Variants in PLBD1 observed in about 807,000 individuals in gnomAD.
PLBD1 encodes lysosomal leucine aminopeptidase.
A neutral mutation model predicts 63.0 loss-of-function variants in PLBD1; 60 were observed. That is an observed-to-expected ratio of 0.95 (90% CI 0.77 to 1.18). The LOEUF (loss-of-function observed/expected upper bound fraction) is 1.18. Among genes scored for constraint, PLBD1 ranks in the 50% most tolerant of loss-of-function variants. The pLI is 0.00. For missense variants in PLBD1, 598 were observed against 677.9 expected (o/e 0.88, Z 1.31); for synonymous variants, 262 against 248.0 (o/e 1.06, Z -0.53).
At chr12:14,506,840 T>G (rs1203841820) in intron 9 of PLBD1, 93 bp downstream of exon 9, 14 of 1,113,752 alleles carry the variant, frequency 1.3e-5, no homozygotes, top group Non-Finnish European at 2.6e-6. Flanking sequence ...TATAATTCCT[T>G]CTAGTACAGA....
Position 14,503,933 on chromosome 12 carries a change from A to G in PLBD1, c.1501T>C (p.Ser501Pro). 1 of 1,607,670 alleles carries G rather than the reference A, an allele frequency of 6.2e-7. No individual in the cohort carries two copies. The highest frequency in any genetic ancestry group is 8.5e-7 in the Non-Finnish European group (1 of 1,176,872). The change falls in exon 11 of 11, where the codon TCT becomes CCT. Residue 501 changes from serine (S) to proline (P), a missense_variant. By Grantham distance (74) the Ser-to-Pro change is moderately conservative (BLOSUM62 -1). Transcript: ENST00000240617. ...CTTATGGCATAGGATGTGTACTGAG[A>G]TGCTAGGTAGATATCTGCCACCTGG... Reference protein sequence around the residue: ...DTKVADIYLASQYTSYAISGP... With the variant: ...DTKVADIYLAPQYTSYAISGP...
At chr12:14,509,772 C>A (rs1194315021) in intron 8 of PLBD1, among the ~76,000 whole-genome samples, 1 of 152,186 alleles carries the variant, frequency 6.6e-6, no homozygotes, top group Non-Finnish European at 1.5e-5. Context: ...AGTCTCTTTT[C>A]TTCCCACCCA....
At position 14,542,381 on chromosome 12, in the gene PLBD1, G is replaced by A; in HGVS notation, c.336-90C>T. On this transcript the variant is annotated intron_variant, in intron 2 of 10. Coordinates refer to ENST00000240617, the MANE Select transcript of PLBD1 (RefSeq NM_024829.6). Reference sequence around the variant, plus strand: ...ATTATTCAATCATTTGGCTAACTAGGATGTCCCTTATTACAAACTCTGCCT... The same window carrying A: ...ATTATTCAATCATTTGGCTAACTAGAATGTCCCTTATTACAAACTCTGCCT... The A allele has an allele frequency of 3.1e-6, 3 of 966,252 alleles. 1 individual carries two copies. In the South Asian group the frequency reaches 4.4e-5, roughly 14 times the overall value. 59.9% of individuals were successfully genotyped at this position (966,252 alleles called of 1,614,324 possible). A position where few individuals can be genotyped will look rare whatever the true frequency, so the allele number is the denominator to read the frequency against.
intron 9 of PLBD1, 117 bp from the exon 10 acceptor site, chr12:14,506,385 C>G: frequency 1.5e-6 from 1 of 687,104 alleles, no homozygotes; most frequent in Non-Finnish European, 2.4e-6. Flanking sequence ...CTCCCACAGG[C>G]CTCCTCAGCC....
intron 1 of PLBD1, chr12:14,554,360 C>G (rs543669566): frequency 6.6e-5 from 10 of 152,162 alleles, no homozygotes; most frequent in Admixed American, 1.3e-4. Flanking sequence ...AGCTTCTCCC[C>G]CTTTGGCATA....
chr12:14,535,809 G>C lies in PLBD1; in HGVS notation c.700-6C>G. ...TTCTCAAATCCAGGAAGAACCTACA[G>C]CCAGAATCATAGTGGATTACACAGA... On this transcript the variant is annotated splice_region_variant and splice_polypyrimidine_tract_variant and intron_variant, in intron 5 of 10. Transcript: ENST00000240617. The C allele has an allele frequency of 1.2e-6, 2 of 1,613,124 alleles. No individual in the cohort carries two copies. Among genetic ancestry groups the C allele is most frequent in the Non-Finnish European group, 1.7e-6 (2 of 1,179,642 alleles).
intron 6 of PLBD1, among the ~76,000 whole-genome samples, chr12:14,513,600 C>T (rs889084631): frequency 4.6e-5 from 7 of 152,036 alleles, no homozygotes; most frequent in African/African-American, 1.7e-4. Context: ...ATTTTAGTTT[C>T]CTGCTTGCCT....
At chr12:14,526,872 T>C (rs1303646715) in intron 6 of PLBD1, among the ~76,000 whole-genome samples, 2 of 152,160 alleles carry the variant, frequency 1.3e-5, no homozygotes, top group Non-Finnish European at 2.9e-5. Flanking sequence ...CTCGGGAGGA[T>C]GAGGCAGGAG....
intron 6 of PLBD1, among the ~76,000 whole-genome samples, chr12:14,515,475 C>T (rs1945330208): frequency 6.6e-6 from 1 of 151,478 alleles, no homozygotes; most frequent in Admixed American, 6.6e-5. Context: ...TGCCCGTATT[C>T]TGCTATTGCT....
At chr12:14,551,161 G>A (rs1945656204) in intron 2 of PLBD1, among the ~76,000 whole-genome samples, 1 of 152,094 alleles carries the variant, frequency 6.6e-6, no homozygotes, top group South Asian at 2.1e-4. Context: ...TCAGGAGTTC[G>A]AGACCAGCCT....
chr12:14,527,618 G>A (rs1033796464), intron 6 of PLBD1, among the ~76,000 whole-genome samples: 2 of 152,138 alleles, frequency 1.3e-5, no homozygotes, highest in South Asian at 4.1e-4. Flanking sequence ...TTAAAGACAT[G>A]CTATGGTAAT....
Position 14,553,266 on chromosome 12 carries a change from A to G in PLBD1, c.262T>C (p.Tyr88His). 5.6e-6 allele frequency: 9 copies of G among 1,614,188 alleles called. No homozygotes were observed. The highest frequency in any genetic ancestry group is 7.6e-6 in the Non-Finnish European group (9 of 1,180,026). Reference protein sequence around the residue: ...GWGILEIRAGYGSQTLSNEII... With the variant: ...GWGILEIRAGHGSQTLSNEII... ...TCATTGCTCAGGGTTTGAGAGCCAT[A>G]GCCAGCTCTGATCTCCAGGATGCCC... The change falls in exon 2 of 11, where the codon TAT becomes CAT. Residue 88 changes from tyrosine to histidine, a missense_variant. Physicochemically the swap from Tyr to His is moderately conservative, Grantham distance 83. Transcript: ENST00000240617.
intron 8 of PLBD1, among the ~76,000 whole-genome samples, chr12:14,509,687 C>T (rs149249477): frequency 6.6e-6 from 1 of 152,272 alleles, no homozygotes; most frequent in Non-Finnish European, 1.5e-5. Flanking sequence ...AGGTCCTGAT[C>T]CCTAGGGTCC....
intron 2 of PLBD1, among the ~76,000 whole-genome samples, chr12:14,548,047 G>A (rs1315881222): frequency 6.6e-6 from 1 of 152,124 alleles, no homozygotes; most frequent in Non-Finnish European, 1.5e-5. Context: ...TATGTCAAAT[G>A]CTTTGAACAG....
intron 4 of PLBD1, among the ~76,000 whole-genome samples, chr12:14,538,816 A>G (rs1379269365): frequency 1.3e-5 from 2 of 152,128 alleles, no homozygotes; most frequent in Non-Finnish European, 2.9e-5. Context: ...ACCTGAGGTC[A>G]GGAGTTCGAG....
intron 2 of PLBD1, among the ~76,000 whole-genome samples, chr12:14,550,494 G>A (rs536259149): frequency 6.6e-6 from 1 of 152,198 alleles, no homozygotes; most frequent in Non-Finnish European, 1.5e-5. Context: ...AATTAAACAA[G>A]AAAACAGTTC....
At chr12:14,563,738 T>C (rs906507589) in intron 1 of PLBD1, among the ~76,000 whole-genome samples, 4 of 151,926 alleles carry the variant, frequency 2.6e-5, no homozygotes. Context: ...CCAAAGTACA[T>C]ATAGAGAAAA....
intron 2 of PLBD1, among the ~76,000 whole-genome samples, chr12:14,543,168 T>A (rs930266833): frequency 3.3e-5 from 5 of 152,178 alleles, no homozygotes; most frequent in Non-Finnish European, 7.4e-5. Context: ...TCTTTCATGT[T>A]TTCTTTGTTT....
intron 2 of PLBD1, among the ~76,000 whole-genome samples, chr12:14,552,079 A>G (rs1945663915): frequency 6.6e-6 from 1 of 152,206 alleles, no homozygotes; most frequent in African/African-American, 2.4e-5. Context: ...CATCTGATAC[A>G]ATCTCCAGTA....
Sources: allele counts gnomAD v4.1 joint callset (sites outside exome capture counted in the v4.1 genomes callset), GRCh38; gene constraint gnomAD v4.1.1; transcripts MANE v1.5; gene names NCBI Gene and HGNC (gene_info 2026-07-23, HGNC 2026-07-21).